TTN: variants seen among roughly 807,000 people sequenced by gnomAD.
TTN encodes connectin.
TTN carries 1,525 observed loss-of-function variants against 3,223.0 expected under a neutral mutation model. That is an observed-to-expected ratio of 0.47 (90% CI 0.45 to 0.49). The LOEUF is 0.49. Ranked by LOEUF, TTN falls within the 20% of genes least tolerant of loss-of-function variation. TTN has a pLI of 0.00. For missense variants in TTN, 40,786 were observed against 43,424.0 expected, an observed-to-expected ratio of 0.94 and a Z score of 5.40; for synonymous variants, 14,094 against 15,161.0, an observed-to-expected ratio of 0.93 and a Z score of 5.17.
Position 178,542,349 on chromosome 2 carries a change from C to T in TTN, c.97407G>A (p.Glu32469=). The T allele has an allele frequency of 6.2e-7, 1 of 1,613,516 alleles. No individual in the cohort carries two copies. The highest frequency in any genetic ancestry group is 1.1e-5 in the South Asian group (1 of 91,054). Residue 32469 remains glutamate, a synonymous_variant, in exon 349 of 363, where the codon GAG becomes GAA. Transcript: ENST00000589042. ...TTGTTGCAGCCACACGGAACACATA[C>T]TCATTTCCTTCGGTGAGTCTGGTAA... ...FKFTRLTEGN[E]YVFRVAATNR...
intron 43 of TTN, among the ~76,000 whole-genome samples, chr2:178,762,808 C>T (rs540761845): frequency 6.6e-6 from 1 of 152,244 alleles, no homozygotes; most frequent in South Asian, 2.1e-4. Flanking sequence ...TTATATAATT[C>T]CTCTCTATGG....
chr2:178,717,889 C>G (rs192601158), intron 86 of TTN, 54 bp downstream of exon 86: 63 of 1,573,684 alleles, frequency 4.0e-5, no homozygotes, highest in Non-Finnish European at 5.3e-5. Flanking sequence ...AAAGTTTTAA[C>G]GTTTTTAAGA....
intron 111 of TTN, among the ~76,000 whole-genome samples, chr2:178,700,486 T>C (rs2074767902): frequency 6.6e-6 from 1 of 152,220 alleles, no homozygotes; most frequent in South Asian, 2.1e-4. Context: ...CTGAACTCCC[T>C]ATAACTCCAG....
In TTN at chr2:178,718,360, G is replaced by T; in HGVS notation, c.24746C>A (p.Ala8249Asp). The change falls in exon 85 of 363, where the codon GCT (alanine) becomes GAT (aspartate). Residue 8249 changes from alanine to aspartate, a missense_variant. Physicochemically the swap from Ala to Asp is moderately radical, Grantham distance 126 (BLOSUM62 -2). Coordinates refer to ENST00000589042, the MANE Select transcript of TTN (RefSeq NM_001267550.2). The stretch of plus-strand genomic sequence containing the variant: ...CAGAGCTTCACAGATATCTTGACCA[G>T]CCTCATTTTCTATCAGGCAGCTGTA... ...AQYSCLIENE[A>D]GQDICEALVS... 6.2e-7 allele frequency: 1 copy of T among 1,613,712 alleles called. No individual in the cohort carries two copies. The highest frequency in any genetic ancestry group is 2.2e-5 in the East Asian group (1 of 44,866).
At position 178,728,161 on chromosome 2, in the gene TTN, C is replaced by T. The variant is rs753901455; in HGVS notation, c.19663G>A (p.Val6555Met). The change falls in exon 67 of 363, where the codon GTG becomes ATG. Residue 6555 changes from valine (V) to methionine (M), a missense_variant. By Grantham distance (21) the Val-to-Met change is conservative. Coordinates refer to ENST00000589042, the MANE Select transcript of TTN (RefSeq NM_001267550.2). ...GCATCATCTCCTGCTACATTTGACA[C>T]TTTGCATGTGTAATTTGCAGTATCT... The part of the protein sequence containing the change: ...LEDTANYTCK[V>M]SNVAGDDACS... The T allele has an allele frequency of 1.2e-5, 19 of 1,609,568 alleles. No homozygotes were observed. The South Asian group carries it at 2.1e-4, about 18-fold the overall frequency.
chr2:178,636,673 A>G lies in TTN; in HGVS notation c.41054T>C (p.Phe13685Ser). ...TYQLKAVPLK[F>S]VKEIKDIILT... ...GATGATGTCTTTGATTTCTTTCACA[A>G]ACTTCAGTGGCACAGCCTTTAGCTG... The change falls in exon 225 of 363, where the codon TTT (phenylalanine) becomes TCT (serine). Residue 13685 changes from phenylalanine to serine, a missense_variant. Phe to Ser is a radical substitution (Grantham distance 155, BLOSUM62 -2). Coordinates refer to ENST00000589042, the MANE Select transcript of TTN (RefSeq NM_001267550.2). This position sits in a 1 kb window ranked among gnomAD's most constrained non-coding sequence, Gnocchi z 4.3. The G allele has an allele frequency of 6.2e-7, 1 of 1,613,266 alleles. No individual in the cohort carries two copies. The highest frequency in any genetic ancestry group is 8.5e-7 in the Non-Finnish European group (1 of 1,179,520).
At position 178,619,820 on chromosome 2, in the gene TTN, A is replaced by G. The variant is rs1404636202; in HGVS notation, c.46497T>C (p.Phe15499=). ...ILEAPGADVV[F]LAELNKDKVE... ...CCTTATCTTTATTGAGTTCTGCTAA[A>G]AAGACAACATCAGCACCAGGGGCTT... Residue 15499 remains phenylalanine (F), a synonymous_variant, in exon 250 of 363, where the codon TTT becomes TTC. Transcript: ENST00000589042. 6.2e-7 allele frequency: 1 copy of G among 1,612,218 alleles called. No homozygotes were observed. Among genetic ancestry groups the G allele is most frequent in the African/African-American group, 1.3e-5 (1 of 74,796 alleles).
chr2:178,724,611 G>T, intron 71 of TTN, 73 bp from the exon 72 acceptor site: 2 of 1,430,190 alleles, frequency 1.4e-6, no homozygotes, highest in South Asian at 3.5e-5. Flanking sequence ...CATTCACTAA[G>T]ATTGTTTCTC....
rs1476923696 is a variant in TTN at position 178,566,149 on chromosome 2, G to A, written c.79983C>T (p.Tyr26661=). Residue 26661 remains tyrosine (Y), a synonymous_variant, in exon 326 of 363, where the codon TAC becomes TAT. Transcript: ENST00000589042. ...DNCDRNDAGK[Y]ILKLENSSGS... The stretch of plus-strand genomic sequence containing the variant: ...CACTGCTGTTTTCCAACTTAAGAAT[G>A]TATTTTCCAGCATCATTTCTATCAC... 1.2e-6 allele frequency: 2 copies of A among 1,613,642 alleles called. No homozygotes were observed. The highest frequency in any genetic ancestry group is 8.5e-7 in the Non-Finnish European group (1 of 1,179,678).
rs1359912614 is a variant in TTN, at chr2:178,605,600, T to C, written c.53695A>G (p.Ile17899Val). ...NGGSPIQGYIIEKRRHDKPDF... is the reference protein window; with the variant it reads ...NGGSPIQGYIVEKRRHDKPDF... ...GGTTTGTCATGACGCCGTTTTTCAA[T>C]GATATATCCTTGGATGGGACTGCCA... The change falls in exon 279 of 363, where the codon ATT becomes GTT. Residue 17899 changes from isoleucine (I) to valine (V), a missense_variant. Transcript: ENST00000589042. 1.9e-6 allele frequency: 3 copies of C among 1,610,734 alleles called. No individual in the cohort carries two copies.
intron 213 of TTN, among the ~76,000 whole-genome samples, chr2:178,648,664 C>G (rs1237039957): frequency 2.0e-5 from 3 of 152,168 alleles, no homozygotes; most frequent in East Asian, 3.9e-4. Flanking sequence ...CCCACCTTGG[C>G]CTCCCCAAGT....
In TTN at chr2:178,739,512, T is replaced by G. The variant is rs1212225396; in HGVS notation, c.13721A>C (p.Glu4574Ala). ...EKQDESLKPSEEKEESSSESG... is the reference protein window; with the variant it reads ...EKQDESLKPSAEKEESSSESG... Reference sequence around the variant, plus strand: ...TTCAGAGGAAGACTCCTCTTTTTCCTCTGATGGTTTCAGACTCTCATCTTG... The same window carrying G: ...TTCAGAGGAAGACTCCTCTTTTTCCGCTGATGGTTTCAGACTCTCATCTTG... Residue 4574 changes from glutamate to alanine, a missense_variant, in exon 48 of 363, where the codon GAG becomes GCG. Transcript: ENST00000589042. 2.5e-6 allele frequency: 4 copies of G among 1,613,810 alleles called. No individual in the cohort carries two copies. Among genetic ancestry groups the G allele is most frequent in the Non-Finnish European group, 3.4e-6 (4 of 1,179,818 alleles).
chr2:178,586,846 C>A (rs759833269), intron 307 of TTN, 39 bp from the exon 308 acceptor site: 1 of 1,591,754 alleles, frequency 6.3e-7, no homozygotes, highest in African/African-American at 1.4e-5. Context: ...ACCTAGGTAA[C>A]CTAATCAAAT....
At position 178,773,621 on chromosome 2, in the gene TTN, A is replaced by G. The variant is rs775065622; in HGVS notation, c.7435T>C (p.Tyr2479His). 3 of 1,614,008 alleles carry G rather than the reference A, an allele frequency of 1.9e-6. No homozygotes were observed. The Admixed American group carries it at 5.0e-5, about 27-fold the overall frequency. ...SVPDVTSVKW[Y>H]LNDEQIKPDD... ...GGCTTGATTTGTTCATCATTTAAGTACCACTTAACAGAAGTCACATCAGGG... is the reference window on the plus strand; with the variant it reads ...GGCTTGATTTGTTCATCATTTAAGTGCCACTTAACAGAAGTCACATCAGGG... Residue 2479 changes from tyrosine to histidine, a missense_variant, in exon 32 of 363, where the codon TAC (tyrosine) becomes CAC (histidine). Physicochemically the swap from Tyr to His is moderately conservative, Grantham distance 83. Coordinates refer to ENST00000589042, the MANE Select transcript of TTN (RefSeq NM_001267550.2).
chr2:178,765,765 C>T (rs144194705), intron 41 of TTN, among the ~76,000 whole-genome samples: 1 of 152,280 alleles, frequency 6.6e-6, no homozygotes, highest in Non-Finnish European at 1.5e-5. Context: ...GCTTGAGATT[C>T]AGCCTTAAGA....
chr2:178,759,510 AAGAC>A (rs1164130216), intron 43 of TTN, among the ~76,000 whole-genome samples: 2 of 152,242 alleles, frequency 1.3e-5, no homozygotes, highest in African/African-American at 2.4e-5. Flanking sequence ...CTTTGAGAAA[AAGAC>A]AGTCCTAAGA....
intron 234 of TTN, 25 bp downstream of exon 234, chr2:178,632,893 A>C (rs779666949): frequency 6.2e-7 from 1 of 1,611,690 alleles, no homozygotes; most frequent in African/African-American, 1.3e-5. Context: ...AAAATACAAA[A>C]ACGTGGCTGA....
At chr2:178,710,560 C>A in intron 98 of TTN, 75 bp downstream of exon 98, 1 of 1,484,196 alleles carries the variant, frequency 6.7e-7, no homozygotes, top group South Asian at 1.4e-5. Context: ...CATTCATCAT[C>A]ATAAAAACGA....
rs10185798 is a variant in TTN at position 178,566,443 on chromosome 2, G to T, written c.79689C>A (p.Val26563=). Residue 26563 remains valine (V), a synonymous_variant, in exon 326 of 363, where the codon GTC becomes GTA. Coordinates refer to ENST00000589042, the MANE Select transcript of TTN (RefSeq NM_001267550.2). ...LTEHQEYKIR[V]CALNKVGLGE... The stretch of plus-strand genomic sequence containing the variant: ...CTAAACCAACTTTGTTGAGGGCACA[G>T]ACTCGTATTTTATACTCTTGGTGTT... 2,335 of 1,613,412 alleles carry T rather than the reference G, an allele frequency of 1.4e-3. 25 individuals are homozygous for T. The African/African-American group carries it at 0.026, about 18-fold the overall frequency.
Sources: allele counts gnomAD v4.1 joint callset (sites outside exome capture counted in the v4.1 genomes callset), GRCh38; gene constraint gnomAD v4.1.1; non-coding constraint Gnocchi (gnomAD v3.1); transcripts MANE v1.5; gene names NCBI Gene and HGNC (gene_info 2026-07-23, HGNC 2026-07-21).